Variants in SLCO3A1 observed in about 807,000 individuals in gnomAD.
The protein encoded by SLCO3A1 is solute carrier organic anion transporter family member 3A1.
Under a neutral mutation model 63.1 loss-of-function variants are expected in SLCO3A1, and 27 were observed. That is an observed-to-expected ratio of 0.43 (90% CI 0.32 to 0.59). The LOEUF is 0.59. Among genes scored for constraint, SLCO3A1 ranks in the 20% least tolerant of loss-of-function variants. The probability of loss-of-function intolerance (pLI) is 0.09; values close to 1 mark genes in which losing one functional copy is unlikely to be tolerated. For synonymous variants in SLCO3A1, 473 were observed against 409.9 expected, an observed-to-expected ratio of 1.15 and a Z score of -1.86; for missense variants, 773 against 945.8, an observed-to-expected ratio of 0.82 and a Z score of 2.40.
intron 9 of SLCO3A1, among the ~76,000 whole-genome samples, chr15:92,157,611 C>T (rs1012681515): frequency 1.3e-5 from 2 of 152,032 alleles, no homozygotes; most frequent in African/African-American, 4.8e-5. Context: ...CTGCCTCAGC[C>T]TCCCGGGTAC....
intron 5 of SLCO3A1, 88 bp from the exon 6 acceptor site, chr15:92,125,973 G>C (rs2047916718): frequency 6.2e-6 from 7 of 1,124,396 alleles, no homozygotes; most frequent in Non-Finnish European, 9.2e-6. Flanking sequence ...GGCATTCACG[G>C]GACTCAGCCT....
intron 2 of SLCO3A1, among the ~76,000 whole-genome samples, chr15:91,976,846 T>C (rs1359304420): frequency 6.6e-6 from 1 of 152,072 alleles, no homozygotes; most frequent in Non-Finnish European, 1.5e-5. Context: ...CATCAAGTAC[T>C]TTACAAGGTA....
intron 2 of SLCO3A1, among the ~76,000 whole-genome samples, chr15:91,963,402 G>C (rs1399172800): frequency 7.7e-6 from 1 of 129,480 alleles, no homozygotes; most frequent in African/African-American, 2.8e-5. Flanking sequence ...TTTAACTCGG[G>C]GAGGGTGGGG....
rs1898045781 is a variant in SLCO3A1 at position 91,897,839 on chromosome 15, T to C, written c.181-18154T>C. Among the ~76,000 whole-genome samples the C allele has an allele frequency of 6.6e-6, 1 of 152,158 alleles. No individual in the cohort carries two copies. Among genetic ancestry groups the C allele is most frequent in the African/African-American group, 2.4e-5 (1 of 41,448 alleles). ...CAGGCATCCTGCAATGGATGACATG[T>C]GAGCATGAGGATGGGTGCGGGAGGC... On this transcript the variant is annotated intron_variant, in intron 1 of 9. Coordinates refer to ENST00000318445, the MANE Select transcript of SLCO3A1 (RefSeq NM_013272.4). The surrounding 1 kb of genome is among the most constrained non-coding windows in gnomAD (Gnocchi z 4.7).
intron 6 of SLCO3A1, among the ~76,000 whole-genome samples, chr15:92,126,829 A>G (rs997819485): frequency 9.2e-5 from 14 of 152,194 alleles, no homozygotes; most frequent in Non-Finnish European, 1.6e-4. Flanking sequence ...CTTAGAGGGA[A>G]TTATGGGGAG....
intron 2 of SLCO3A1, among the ~76,000 whole-genome samples, chr15:92,023,642 T>C (rs1445598672): frequency 4.6e-5 from 7 of 152,146 alleles, no homozygotes; most frequent in Admixed American, 4.6e-4. Flanking sequence ...GAAATTTTTG[T>C]ATTTTTAGTA....
chr15:91,977,642 A>T (rs1901170183), intron 2 of SLCO3A1, among the ~76,000 whole-genome samples: 1 of 152,162 alleles, frequency 6.6e-6, no homozygotes. Flanking sequence ...GGGATAAAGG[A>T]CTACATATTG....
chr15:91,996,163 G>A (rs1466843512), intron 2 of SLCO3A1, among the ~76,000 whole-genome samples: 1 of 152,074 alleles, frequency 6.6e-6, no homozygotes. Flanking sequence ...TACAACATCA[G>A]TGTACAAAAA....
At chr15:91,984,606 G>T (rs959943196) in intron 2 of SLCO3A1, among the ~76,000 whole-genome samples, 1 of 143,554 alleles carries the variant, frequency 7.0e-6, no homozygotes, top group Admixed American at 6.7e-5. Flanking sequence ...ATAATCAAAC[G>T]TACATAAAAA....
In SLCO3A1 at chr15:91,926,596, T is replaced by TGTGTGTGTGCGCGC; in HGVS notation, c.646+10139_646+10140insTGTGTGTGCGCGCG. 2.3e-3 allele frequency among the ~76,000 whole-genome samples: 245 copies of TGTGTGTGTGCGCGC among 105,300 alleles called. 1 individual carries two copies. Among genetic ancestry groups the TGTGTGTGTGCGCGC allele is most frequent in the African/African-American group, 6.9e-3 (190 of 27,386 alleles). The allele number at this position is 105,300 out of a possible 152,430, so 69.1% of individuals were successfully genotyped here. A position where few individuals can be genotyped will look rare whatever the true frequency, so the allele number is the denominator to read the frequency against. Reference sequence around the variant, plus strand: ...GTGTGTGTGTGTGTGTGTGTGTGTGTGCGCGCGCGCACGCCCATGCTTATT... The same window carrying TGTGTGTGTGCGCGC: ...GTGTGTGTGTGTGTGTGTGTGTGTGTGTGTGTGTGCGCGCGCGCGCGCGCACGCCCATGCTTATT... On this transcript the variant is annotated intron_variant, in intron 2 of 9. Transcript: ENST00000318445.
chr15:92,043,392 G>T (rs953416884), intron 2 of SLCO3A1, among the ~76,000 whole-genome samples: 18 of 152,316 alleles, frequency 1.2e-4, no homozygotes, highest in African/African-American at 4.3e-4. Context: ...CAGTGCAGGT[G>T]CTCTTGCTCT....
At chr15:91,924,799 G>A (rs1436245181) in intron 2 of SLCO3A1, among the ~76,000 whole-genome samples, 1 of 152,182 alleles carries the variant, frequency 6.6e-6, no homozygotes, top group Non-Finnish European at 1.5e-5. Context: ...TAAGCCAGAG[G>A]AAGAAAAGCA....
rs1268444341 is a variant in SLCO3A1, at chr15:91,897,856, G to T, written c.181-18137G>T. Among the ~76,000 whole-genome samples, 4 of 152,196 alleles carry T rather than the reference G, an allele frequency of 2.6e-5. No individual in the cohort carries two copies. Among genetic ancestry groups the T allele is most frequent in the Admixed American group, 2.0e-4 (3 of 15,290 alleles). On this transcript the variant is annotated intron_variant, in intron 1 of 9. Transcript: ENST00000318445. The surrounding 1 kb of genome is among the most constrained non-coding windows in gnomAD (Gnocchi z 4.7). Reference sequence around the variant, plus strand: ...ATGACATGTGAGCATGAGGATGGGTGCGGGAGGCGAAAGGCAGCTGAAACT... The same window carrying T: ...ATGACATGTGAGCATGAGGATGGGTTCGGGAGGCGAAAGGCAGCTGAAACT...
intron 2 of SLCO3A1, among the ~76,000 whole-genome samples, chr15:91,962,174 T>C (rs111870569): frequency 2.0e-5 from 3 of 151,328 alleles, no homozygotes; most frequent in African/African-American, 7.3e-5. Flanking sequence ...GTGACTAGAG[T>C]GGACATTTTA....
intron 1 of SLCO3A1, among the ~76,000 whole-genome samples, chr15:91,880,758 C>G (rs1897561654): frequency 6.6e-6 from 1 of 151,980 alleles, no homozygotes; most frequent in African/African-American, 2.4e-5. Flanking sequence ...GTTAACCGTT[C>G]ACCTCTTGAT....
intron 6 of SLCO3A1, 65 bp from the exon 7 acceptor site, chr15:92,128,286 A>C (rs1293395357): frequency 6.3e-7 from 1 of 1,599,790 alleles, no homozygotes. Context: ...AAAGGCTGTC[A>C]CTGGGGGCAT....
At chr15:92,110,912 C>G (rs1270230634) in intron 4 of SLCO3A1, among the ~76,000 whole-genome samples, 3 of 152,108 alleles carry the variant, frequency 2.0e-5, no homozygotes, top group South Asian at 4.2e-4. Flanking sequence ...TGAGTGCCAC[C>G]ACCAGCCCAC....
At chr15:92,016,375 G>C (rs2046437819) in intron 2 of SLCO3A1, among the ~76,000 whole-genome samples, 2 of 152,048 alleles carry the variant, frequency 1.3e-5, no homozygotes, top group Non-Finnish European at 1.5e-5. Flanking sequence ...GTGTTTCCTA[G>C]GTTGGTCTTG....
At chr15:92,141,917 G>C (rs1374531043) in intron 7 of SLCO3A1, among the ~76,000 whole-genome samples, 1 of 152,166 alleles carries the variant, frequency 6.6e-6, no homozygotes, top group Non-Finnish European at 1.5e-5. Context: ...CCCTGCTGGA[G>C]AGGTTGCAGG....
Sources: allele counts gnomAD v4.1 joint callset (sites outside exome capture counted in the v4.1 genomes callset), GRCh38; gene constraint gnomAD v4.1.1; non-coding constraint Gnocchi (gnomAD v3.1); transcripts MANE v1.5; gene names NCBI Gene and HGNC (gene_info 2026-07-23, HGNC 2026-07-21).